Variants in TTC12 observed in about 807,000 individuals in gnomAD.
TTC12 encodes tetratricopeptide repeat protein 12.
Under a neutral mutation model 90.1 loss-of-function variants are expected in TTC12, and 70 were observed. That is an observed-to-expected ratio of 0.78 (90% confidence interval 0.64 to 0.95). The LOEUF is 0.95. Among genes scored for constraint, TTC12 ranks in the 40% least tolerant of loss-of-function variants. The pLI, the probability that TTC12 is intolerant of heterozygous loss-of-function variation, is 0.00. For synonymous variants in TTC12, 296 were observed against 311.5 expected, an observed-to-expected ratio of 0.95 and a Z score of 0.53; for missense variants, 819 against 846.1, an observed-to-expected ratio of 0.97 and a Z score of 0.40.
intron 13 of TTC12, 44 bp from the exon 14 acceptor site, chr11:113,350,025 TGTTA>T: frequency 1.4e-6 from 2 of 1,444,992 alleles, no homozygotes; most frequent in South Asian, 1.1e-5. Context: ...GTTGGGATGT[TGTTA>T]GTTGGAGGAC....
intron 7 of TTC12, among the ~76,000 whole-genome samples, chr11:113,331,784 G>A (rs148464764): frequency 1.3e-5 from 2 of 152,336 alleles, no homozygotes; most frequent in African/African-American, 4.8e-5. Context: ...GCCCAATGGA[G>A]CTGACATTAA....
chr11:113,341,145 G>A (rs1948658561), intron 11 of TTC12, among the ~76,000 whole-genome samples: 1 of 152,126 alleles, frequency 6.6e-6, no homozygotes, highest in Non-Finnish European at 1.5e-5. Context: ...CACGAGAATC[G>A]CTTGAATCTG....
Position 113,339,434 on chromosome 11 carries a change from T to G in TTC12, c.786T>G (p.Tyr262Ter). 1 of 1,612,864 alleles carries G rather than the reference T, an allele frequency of 6.2e-7. No individual in the cohort carries two copies. Among genetic ancestry groups the G allele is most frequent in the South Asian group, 1.1e-5 (1 of 91,026 alleles). ...LSKPDQIPLF[Y>*]AGGIEILTEM... ...AGCCTGACCAGATCCCCTTGTTCTA[T>G]GCTGGGGGGATTGAGATCCTGACTG... Residue 262 changes from tyrosine to a stop codon, truncating the protein, a stop_gained, in exon 10 of 22, where the codon TAT becomes TAG. Coordinates refer to ENST00000529221, the MANE Select transcript of TTC12 (RefSeq NM_017868.4). LOFTEE classifies it high-confidence loss of function.
chr11:113,343,057 A>G (rs1555146725), intron 12 of TTC12, among the ~76,000 whole-genome samples: 2 of 152,252 alleles, frequency 1.3e-5, no homozygotes, highest in Non-Finnish European at 2.9e-5. Flanking sequence ...AGGTCAATAA[A>G]ATCTTGATAT....
Position 113,314,594 on chromosome 11 carries a change from T to G in TTC12, c.-40T>G, listed in dbSNP as rs1946797157. 1 of 153,036 alleles carries G rather than the reference T, an allele frequency of 6.5e-6. No individual in the cohort carries two copies. The highest frequency in any genetic ancestry group is 1.5e-5 in the Non-Finnish European group (1 of 68,740). The allele number at this position is 153,036 out of a possible 1,614,324, so 9.5% of individuals were successfully genotyped here. ...AGCCCAGGCAGGTCACTGCGCCATTTCCTGTCCAAAGCTGGGCGAATCAGG... is the reference window on the plus strand; with the variant it reads ...AGCCCAGGCAGGTCACTGCGCCATTGCCTGTCCAAAGCTGGGCGAATCAGG... On this transcript the variant is annotated 5_prime_UTR_variant, in exon 1 of 22. Coordinates refer to ENST00000529221, the MANE Select transcript of TTC12 (RefSeq NM_017868.4).
chr11:113,370,211 C>G (rs550091040), downstream of TTC12, among the ~76,000 whole-genome samples: 1 of 152,358 alleles, frequency 6.6e-6, no homozygotes, highest in African/African-American at 2.4e-5. Flanking sequence ...GCTCTAAAAT[C>G]CTCTTTGCAA....
chr11:113,346,308 T>G (rs1948955846), intron 13 of TTC12, among the ~76,000 whole-genome samples: 1 of 152,236 alleles, frequency 6.6e-6, no homozygotes, highest in South Asian at 2.1e-4. Context: ...ATCACTCACT[T>G]ATGATGACAC....
intron 8 of TTC12, among the ~76,000 whole-genome samples, chr11:113,337,112 A>T (rs1414522413): frequency 6.6e-6 from 1 of 152,350 alleles, no homozygotes; most frequent in Middle Eastern, 3.4e-3. Context: ...AATAAAAGAA[A>T]TGTGAATAAA....
At chr11:113,364,074 C>A in intron 20 of TTC12, 147 bp downstream of exon 20, 1 of 605,438 alleles carries the variant, frequency 1.7e-6, no homozygotes, top group Non-Finnish European at 2.9e-6. Flanking sequence ...AGATGTTTCA[C>A]ATCCAGATCT....
At chr11:113,328,040 G>C (rs897796677) in intron 6 of TTC12, among the ~76,000 whole-genome samples, 12 of 152,214 alleles carry the variant, frequency 7.9e-5, no homozygotes, top group Non-Finnish European at 1.3e-4. Flanking sequence ...GCTTGTCCAT[G>C]TAAGTATCTC....
At chr11:113,325,967 T>TA (rs1947667342) in intron 6 of TTC12, among the ~76,000 whole-genome samples, 1 of 152,150 alleles carries the variant, frequency 6.6e-6, no homozygotes, top group African/African-American at 2.4e-5. Flanking sequence ...AGGAGAAAAC[T>TA]AGTGGAATGA....
chr11:113,344,736 C>T (rs782473372), intron 13 of TTC12, among the ~76,000 whole-genome samples: 1 of 152,222 alleles, frequency 6.6e-6, no homozygotes, highest in Non-Finnish European at 1.5e-5. Context: ...AGGTCACTTG[C>T]TTCTCCGTCT....
Position 113,344,309 on chromosome 11 carries a change from G to C in TTC12, c.1023G>C (p.Arg341Ser). 6.2e-7 allele frequency: 1 copy of C among 1,614,082 alleles called. No homozygotes were observed. The highest frequency in any genetic ancestry group is 8.5e-7 in the Non-Finnish European group (1 of 1,179,998). Residue 341 changes from arginine to serine, a missense_variant, in exon 13 of 22, where the codon AGG becomes AGC. By Grantham distance (110) the Arg-to-Ser change is moderately radical (BLOSUM62 -1). Coordinates refer to ENST00000529221, the MANE Select transcript of TTC12 (RefSeq NM_017868.4). Reference protein sequence around the residue: ...NQRVLVIHHDRARLLAALLSS... With the variant: ...NQRVLVIHHDSARLLAALLSS... ...GTGTGCTAGTGATACACCATGACAG[G>C]GCCAGGCTGTTGGCCGCCCTCTTGT...
intron 4 of TTC12, 125 bp downstream of exon 4, chr11:113,324,140 C>T: frequency 1.4e-6 from 1 of 716,370 alleles, no homozygotes; most frequent in Non-Finnish European, 2.4e-6. Flanking sequence ...CAAAAACCTA[C>T]TGATCATCCC....
chr11:113,357,595 G>A (rs556540733), intron 16 of TTC12, among the ~76,000 whole-genome samples: 1 of 152,200 alleles, frequency 6.6e-6, no homozygotes, highest in Admixed American at 6.5e-5. Flanking sequence ...CTGACCTTTG[G>A]ATAAATTTTT....
rs115139884 is a variant in TTC12 at position 113,328,293 on chromosome 11, A to G, written c.445-1627A>G. On this transcript the variant is annotated intron_variant, in intron 6 of 21. Coordinates refer to ENST00000529221, the MANE Select transcript of TTC12 (RefSeq NM_017868.4). ...TTTGATAAGACTTTATTGACCACTTACTGTGTCCAGTAATTAATAGAGAGG... is the reference window on the plus strand; with the variant it reads ...TTTGATAAGACTTTATTGACCACTTGCTGTGTCCAGTAATTAATAGAGAGG... Among the ~76,000 whole-genome samples, 520 of 152,310 alleles carry G rather than the reference A, an allele frequency of 3.4e-3. 4 individuals are homozygous for G. The highest frequency in any genetic ancestry group is 0.012 in the African/African-American group (491 of 41,572).
At chr11:113,340,876 C>A in intron 11 of TTC12, 143 bp downstream of exon 11, 1 of 664,768 alleles carries the variant, frequency 1.5e-6, no homozygotes, top group Non-Finnish European at 2.7e-6. Flanking sequence ...TCCAGGAGTG[C>A]AAAGCTACTC....
chr11:113,335,088 C>A, intron 8 of TTC12, 51 bp downstream of exon 8: 1 of 1,306,138 alleles, frequency 7.7e-7, no homozygotes, highest in South Asian at 1.2e-5. Context: ...GACTGATGCT[C>A]CCAGTTGTGC....
chr11:113,322,846 A>G (rs1231429576), intron 2 of TTC12, among the ~76,000 whole-genome samples: 1 of 152,178 alleles, frequency 6.6e-6, no homozygotes, highest in Non-Finnish European at 1.5e-5. Context: ...TAAGCAGTAA[A>G]GTGAAGACAG....
Sources: gnomAD v4.1 joint callset for allele counts (sites outside exome capture counted in the v4.1 genomes callset) on GRCh38, gnomAD v4.1.1 for gene constraint, MANE v1.5 for transcripts, NCBI Gene and HGNC (gene_info 2026-07-23, HGNC 2026-07-21) for gene names.